ROBO1: variants seen among roughly 807,000 people sequenced by gnomAD.
ROBO1 encodes the protein roundabout homolog 1.
Under a neutral mutation model 195.9 loss-of-function variants are expected in ROBO1, and 149 were observed. The ratio of observed to expected loss-of-function variants is 0.76; its 90% CI spans 0.67 to 0.87. The LOEUF is 0.87. Among genes scored for constraint, ROBO1 ranks in the 40% least tolerant of loss-of-function variants. The pLI, the probability that ROBO1 is intolerant of heterozygous loss-of-function variation, is 0.00. For missense variants in ROBO1, 1,933 were observed against 2,068.3 expected (o/e 0.93, Z 1.27); for synonymous variants, 816 against 733.2 (o/e 1.11, Z -1.82).
intron 26 of ROBO1, among the ~76,000 whole-genome samples, chr3:78,618,519 T>C (rs2107404207): frequency 6.6e-6 from 1 of 152,264 alleles, no homozygotes; most frequent in Admixed American, 6.5e-5. Flanking sequence ...AATGAAGTCA[T>C]TCATCTTCAC....
chr3:79,454,363 C>T (rs1156944761), intron 2 of ROBO1, among the ~76,000 whole-genome samples: 3 of 152,014 alleles, frequency 2.0e-5, no homozygotes, highest in Non-Finnish European at 4.4e-5. Flanking sequence ...TTTAAATGGG[C>T]GTTCATTCAG....
intron 2 of ROBO1, among the ~76,000 whole-genome samples, chr3:79,128,924 T>G (rs1296959828): frequency 6.6e-6 from 1 of 152,228 alleles, no homozygotes; most frequent in East Asian, 1.9e-4. Context: ...CCCATACTCC[T>G]TAAATACTTG....
chr3:79,410,842 C>G (rs2037737835), intron 2 of ROBO1, among the ~76,000 whole-genome samples: 1 of 152,104 alleles, frequency 6.6e-6, no homozygotes, highest in South Asian at 2.1e-4. Flanking sequence ...GATCTCTCCA[C>G]CACAGCTTTC....
chr3:79,435,022 T>A (rs550931249), intron 2 of ROBO1, among the ~76,000 whole-genome samples: 1 of 151,894 alleles, frequency 6.6e-6, no homozygotes, highest in Non-Finnish European at 1.5e-5. Flanking sequence ...ATGAGAACAC[T>A]TGGACACAGG....
rs201317010 is a variant in ROBO1 at position 79,311,242 on chromosome 3, C to T, written c.89-185703G>A. Among the ~76,000 whole-genome samples, 6 of 152,224 alleles carry T rather than the reference C, an allele frequency of 3.9e-5. No homozygotes were observed. The East Asian group carries it at 1.2e-3, about 29-fold the overall frequency. ...AAGACCTGTCTTCATATTTTACCCT[C>T]TTCTAAGCTAGTAAACTGAGAAGAA... On this transcript the variant is annotated intron_variant, in intron 2 of 30. Coordinates refer to ENST00000464233, the MANE Select transcript of ROBO1 (RefSeq NM_002941.4).
chr3:79,646,705 C>T (rs1945831195), intron 1 of ROBO1, among the ~76,000 whole-genome samples: 1 of 152,046 alleles, frequency 6.6e-6, no homozygotes, highest in African/African-American at 2.4e-5. Flanking sequence ...AGTATGTATA[C>T]ACAATGAAAT....
chr3:79,578,482 A>G (rs549194666), intron 2 of ROBO1, among the ~76,000 whole-genome samples: 1 of 152,298 alleles, frequency 6.6e-6, no homozygotes, highest in East Asian at 1.9e-4. Context: ...AATACTTAGC[A>G]CTATTTAATT....
intron 2 of ROBO1, among the ~76,000 whole-genome samples, chr3:79,186,647 G>T (rs1046784667): frequency 2.6e-5 from 4 of 152,070 alleles, no homozygotes; most frequent in Non-Finnish European, 5.9e-5. Context: ...TGTAAGTGAG[G>T]TATGACCATG....
At chr3:78,988,533 T>C (rs778327547) in intron 3 of ROBO1, among the ~76,000 whole-genome samples, 11 of 152,128 alleles carry the variant, frequency 7.2e-5, no homozygotes, top group Non-Finnish European at 1.5e-4. Flanking sequence ...GCTGGAAGCA[T>C]GAAACATAAC....
At chr3:79,546,820 A>C (rs1002741641) in intron 2 of ROBO1, among the ~76,000 whole-genome samples, 1 of 152,206 alleles carries the variant, frequency 6.6e-6, no homozygotes, top group Non-Finnish European at 1.5e-5. Flanking sequence ...CATAGAAAAA[A>C]GTGCTGATTC....
Position 78,758,475 on chromosome 3 carries a change from AT to A in ROBO1, c.500-11576del, listed in dbSNP as rs2082999720. ...GAGGTCAAGAAGGCTTCAGTGAGCC[AT>A]GGTCATGCCACTTCACTCCAGCCTG... On this transcript the variant is annotated intron_variant, in intron 4 of 30. Transcript: ENST00000464233. Among the ~76,000 whole-genome samples the A allele has an allele frequency of 2.8e-5, 4 of 144,226 alleles. No individual in the cohort carries two copies. In the Admixed American group the frequency reaches 2.9e-4, roughly 10 times the overall value. 94.6% of individuals were successfully genotyped at this position (144,226 alleles called of 152,430 possible).
chr3:79,475,486 G>A (rs1187979851), intron 2 of ROBO1, among the ~76,000 whole-genome samples: 1 of 151,958 alleles, frequency 6.6e-6, no homozygotes, highest in African/African-American at 2.4e-5. Flanking sequence ...GAATAATTTA[G>A]AGAAAATTCC....
intron 2 of ROBO1, among the ~76,000 whole-genome samples, chr3:79,507,397 A>C (rs2107527592): frequency 6.6e-6 from 1 of 152,314 alleles, no homozygotes; most frequent in African/African-American, 2.4e-5. Flanking sequence ...CTATTGAAAT[A>C]GCTGAAGAGC....
intron 2 of ROBO1, among the ~76,000 whole-genome samples, chr3:79,313,990 G>A (rs2033614311): frequency 6.6e-6 from 1 of 152,112 alleles, no homozygotes; most frequent in Admixed American, 6.5e-5. Context: ...TTATAAAGAT[G>A]TTATTCCTTT....
intron 2 of ROBO1, among the ~76,000 whole-genome samples, chr3:79,523,734 A>T (rs573883617): frequency 6.6e-6 from 1 of 152,238 alleles, no homozygotes; most frequent in East Asian, 1.9e-4. Context: ...TTGGCCTCCC[A>T]AAGTGCTGGG....
chr3:79,509,069 T>A lies in ROBO1; in HGVS notation c.88+80755A>T, dbSNP rs547437625. Among the ~76,000 whole-genome samples, 37 of 152,278 alleles carry A rather than the reference T, an allele frequency of 2.4e-4. No homozygotes were observed. The South Asian group carries it at 6.8e-3, about 28-fold the overall frequency. Reference sequence around the variant, plus strand: ...AAGTCCTTAGCAAAAACAATTTTTATAATGTAGGAGCACATAGTTAATTTA... The same window carrying A: ...AAGTCCTTAGCAAAAACAATTTTTAAAATGTAGGAGCACATAGTTAATTTA... On this transcript the variant is annotated intron_variant, in intron 2 of 30. Coordinates refer to ENST00000464233, the MANE Select transcript of ROBO1 (RefSeq NM_002941.4).
chr3:78,970,243 T>G (rs1027859097), intron 3 of ROBO1, among the ~76,000 whole-genome samples: 1 of 152,176 alleles, frequency 6.6e-6, no homozygotes, highest in East Asian at 1.9e-4. Flanking sequence ...GTAGGACTGA[T>G]AATAATATTT....
At chr3:79,373,510 A>G (rs2036277518) in intron 2 of ROBO1, among the ~76,000 whole-genome samples, 1 of 152,218 alleles carries the variant, frequency 6.6e-6, no homozygotes, top group Non-Finnish European at 1.5e-5. Flanking sequence ...AAGCATAGCT[A>G]GTCAACAAGC....
intron 1 of ROBO1, among the ~76,000 whole-genome samples, chr3:79,685,507 C>A (rs1250498047): frequency 1.3e-5 from 2 of 152,138 alleles, no homozygotes. Context: ...GATGACTTTG[C>A]CTTTGATTAT....
Sources: allele counts gnomAD v4.1 joint callset (sites outside exome capture counted in the v4.1 genomes callset), GRCh38; gene constraint gnomAD v4.1.1; transcripts MANE v1.5; gene names NCBI Gene and HGNC (gene_info 2026-07-23, HGNC 2026-07-21).